The following FHIT variants were observed in gnomAD, a reference collection of about 807,000 sequenced individuals.
FHIT encodes bis(5'-adenosyl)-triphosphatase.
In FHIT, 19 loss-of-function variants were observed where a neutral mutation model predicts 17.9. The observed-to-expected ratio is 1.06, with a 90% CI of 0.74 to 1.56. The LOEUF (loss-of-function observed/expected upper bound fraction) is 1.56. FHIT is among the 40% of genes most tolerant of loss of function. The probability of loss-of-function intolerance (pLI) is 0.00; values close to 1 mark genes in which losing one functional copy is unlikely to be tolerated. For missense variants in FHIT, 248 were observed against 189.2 expected, an observed-to-expected ratio of 1.31 and a Z score of -1.82; for synonymous variants, 81 against 69.7, an observed-to-expected ratio of 1.16 and a Z score of -0.81.
intron 4 of FHIT, among the ~76,000 whole-genome samples, chr3:60,648,611 G>A (rs1300676958): frequency 6.6e-6 from 1 of 152,212 alleles, no homozygotes; most frequent in Non-Finnish European, 1.5e-5. Flanking sequence ...ATAGTAGACA[G>A]TGAAAATCTG....
intron 4 of FHIT, among the ~76,000 whole-genome samples, chr3:60,732,833 C>G (rs757223059): frequency 2.0e-5 from 3 of 151,872 alleles, no homozygotes; most frequent in Middle Eastern, 3.2e-3. Flanking sequence ...ACTACAGATG[C>G]GAGCTACCAC....
intron 4 of FHIT, among the ~76,000 whole-genome samples, chr3:60,790,989 T>A (rs539489347): frequency 1.6e-4 from 25 of 152,294 alleles, no homozygotes; most frequent in African/African-American, 5.5e-4. Context: ...GTCTGTTTTT[T>A]AAAATAGTGA....
chr3:61,197,640 A>C (rs2038891411), intron 2 of FHIT, among the ~76,000 whole-genome samples: 2 of 152,212 alleles, frequency 1.3e-5, no homozygotes, highest in African/African-American at 4.8e-5. Flanking sequence ...TTTACACATC[A>C]TTGAAAAGAA....
chr3:60,512,541 C>T (rs2034990496), intron 5 of FHIT, among the ~76,000 whole-genome samples: 1 of 152,118 alleles, frequency 6.6e-6, no homozygotes, highest in South Asian at 2.1e-4. Context: ...TGGTGAACTG[C>T]ATTATCACCC....
intron 8 of FHIT, among the ~76,000 whole-genome samples, chr3:59,888,098 C>T (rs146019914): frequency 3.3e-5 from 5 of 152,278 alleles, no homozygotes; most frequent in African/African-American, 1.2e-4. Context: ...CTGAGGATTT[C>T]AAGGATTCTG....
chr3:60,461,278 A>G (rs2032446697), intron 5 of FHIT, among the ~76,000 whole-genome samples: 1 of 152,190 alleles, frequency 6.6e-6, no homozygotes, highest in African/African-American at 2.4e-5. Flanking sequence ...TCTACAGTTC[A>G]TAACCTGAGA....
intron 5 of FHIT, among the ~76,000 whole-genome samples, chr3:60,451,257 G>C (rs994032362): frequency 3.9e-5 from 6 of 151,926 alleles, no homozygotes; most frequent in Non-Finnish European, 7.4e-5. Context: ...TGCTTTTTGG[G>C]AAACGTCCTA....
chr3:60,878,739 G>A (rs1247573379), intron 3 of FHIT, among the ~76,000 whole-genome samples: 1 of 151,974 alleles, frequency 6.6e-6, no homozygotes, highest in Admixed American at 6.6e-5. Flanking sequence ...AACACGCGGT[G>A]TTTGGTTTTT....
chr3:59,912,095 T>C (rs1704906989), intron 8 of FHIT, among the ~76,000 whole-genome samples: 1 of 152,206 alleles, frequency 6.6e-6, no homozygotes, highest in Non-Finnish European at 1.5e-5. Context: ...CTACACATGA[T>C]GGAGATAAAT....
intron 4 of FHIT, among the ~76,000 whole-genome samples, chr3:60,551,697 G>A (rs1285651758): frequency 6.8e-6 from 1 of 148,054 alleles, no homozygotes; most frequent in Non-Finnish European, 1.5e-5. Context: ...AGTTGATGCT[G>A]CAGTGAGCTG....
intron 8 of FHIT, among the ~76,000 whole-genome samples, chr3:59,888,910 A>G (rs955691617): frequency 7.2e-5 from 11 of 152,228 alleles, no homozygotes; most frequent in African/African-American, 2.4e-4. Context: ...TTGCTATGTC[A>G]TAACATGGTG....
chr3:61,064,591 C>T (rs1338812732), intron 2 of FHIT, among the ~76,000 whole-genome samples: 1 of 152,154 alleles, frequency 6.6e-6, no homozygotes, highest in Non-Finnish European at 1.5e-5. Context: ...AGAGTTCTAG[C>T]TTTTTGTTTA....
At chr3:60,147,136 A>G (rs1282754300) in intron 5 of FHIT, among the ~76,000 whole-genome samples, 3 of 152,184 alleles carry the variant, frequency 2.0e-5, no homozygotes, top group Admixed American at 6.5e-5. Flanking sequence ...CTATTCTAAA[A>G]AAGCAAAATA....
intron 4 of FHIT, among the ~76,000 whole-genome samples, chr3:60,590,741 T>C (rs1025601398): frequency 7.9e-5 from 12 of 152,126 alleles, no homozygotes; most frequent in Non-Finnish European, 2.9e-5. Context: ...ACTCACATGT[T>C]GCACCACAGC....
At chr3:60,087,315 C>T (rs1220550215) in intron 5 of FHIT, among the ~76,000 whole-genome samples, 1 of 152,092 alleles carries the variant, frequency 6.6e-6, no homozygotes, top group Non-Finnish European at 1.5e-5. Context: ...CCTTAAGGGC[C>T]TTTTTCCCAT....
At chr3:61,103,539 G>C (rs1049538288) in intron 2 of FHIT, among the ~76,000 whole-genome samples, 1 of 152,176 alleles carries the variant, frequency 6.6e-6, no homozygotes, top group Non-Finnish European at 1.5e-5. Flanking sequence ...TGTTGATTTG[G>C]AGTGGAGAGT....
chr3:61,027,436 T>C (rs1048226796), intron 3 of FHIT, among the ~76,000 whole-genome samples: 1 of 152,246 alleles, frequency 6.6e-6, no homozygotes, highest in Non-Finnish European at 1.5e-5. Context: ...ACCTATTGTA[T>C]TTGTAGAGTG....
chr3:60,241,764 G>A (rs1386054741), intron 5 of FHIT, among the ~76,000 whole-genome samples: 3 of 152,124 alleles, frequency 2.0e-5, no homozygotes, highest in African/African-American at 7.2e-5. Context: ...ACTAGTAGGA[G>A]TTAGTTTATC....
intron 5 of FHIT, among the ~76,000 whole-genome samples, chr3:60,522,936 C>G (rs898561505): frequency 2.0e-5 from 3 of 152,158 alleles, no homozygotes; most frequent in Non-Finnish European, 4.4e-5. Context: ...GTTTAATAGA[C>G]TCATAGTTCC....
Sources: allele counts gnomAD v4.1 joint callset (sites outside exome capture counted in the v4.1 genomes callset), GRCh38; gene constraint gnomAD v4.1.1; transcripts MANE v1.5; gene names NCBI Gene and HGNC (gene_info 2026-07-23, HGNC 2026-07-21).